NSUN6: variants seen among roughly 807,000 people sequenced by gnomAD.
The protein encoded by NSUN6 is NOP2/Sun RNA methyltransferase 6, also known as tRNA (cytosine(72)-C(5))-methyltransferase NSUN6.
NSUN6 carries 64 observed loss-of-function variants against 58.0 expected under a neutral mutation model. That is an observed-to-expected ratio of 1.10 (90% CI 0.90 to 1.36). The LOEUF (loss-of-function observed/expected upper bound fraction) is 1.36. NSUN6 is among the 40% of genes most tolerant of loss of function. The pLI, the probability that NSUN6 is intolerant of heterozygous loss-of-function variation, is 0.00. For synonymous variants in NSUN6, 231 were observed against 193.9 expected (o/e 1.19, Z -1.59); for missense variants, 701 against 550.1 (o/e 1.27, Z -2.74).
intron 8 of NSUN6, among the ~76,000 whole-genome samples, chr10:18,572,000 C>G (rs1389101371): frequency 1.3e-5 from 2 of 151,686 alleles, no homozygotes; most frequent in Admixed American, 6.6e-5. Context: ...AGTCTCCATT[C>G]CATTCCATTC....
chr10:18,645,526 G>T (rs2059521342), intron 2 of NSUN6, among the ~76,000 whole-genome samples: 1 of 152,098 alleles, frequency 6.6e-6, no homozygotes, highest in East Asian at 1.9e-4. Context: ...TATTTTTGAG[G>T]TTAATCCATA....
At chr10:18,551,612 T>G (rs1478698166) in intron 9 of NSUN6, 4 of 412,034 alleles carry the variant, frequency 9.7e-6, no homozygotes, top group African/African-American at 2.0e-5. Flanking sequence ...ATGTTGTGCC[T>G]GTATCAGAAT....
At chr10:18,586,803 T>G (rs2057168133) in intron 7 of NSUN6, among the ~76,000 whole-genome samples, 1 of 152,210 alleles carries the variant, frequency 6.6e-6, no homozygotes, top group Non-Finnish European at 1.5e-5. Context: ...GGTGGCCAGC[T>G]TTTATTCCCT....
chr10:18,614,491 TG>T lies in NSUN6; in HGVS notation c.543del (p.Glu183LysfsTer9). ...TCAGGTAATCCACTGAAGATTTCTT[TG>T]CGGCTTAGTTCAGAAATCCCATTTC... ...FLGNGISELS[R>X]KEIFSGLPEL... On this transcript the variant is annotated frameshift_variant, in exon 5 of 11. Coordinates refer to ENST00000377304, the MANE Select transcript of NSUN6 (RefSeq NM_182543.5). LOFTEE classifies it high-confidence loss of function. The T allele has an allele frequency of 6.4e-7, 1 of 1,558,982 alleles. No individual in the cohort carries two copies. The highest frequency in any genetic ancestry group is 8.6e-7 in the Non-Finnish European group (1 of 1,156,626).
At chr10:18,614,167 G>T (rs960585222) in intron 5 of NSUN6, among the ~76,000 whole-genome samples, 1 of 151,496 alleles carries the variant, frequency 6.6e-6, no homozygotes, top group Non-Finnish European at 1.5e-5. Flanking sequence ...CCATCATAAT[G>T]CACTGTTTTT....
intron 2 of NSUN6, among the ~76,000 whole-genome samples, chr10:18,645,896 A>G (rs899066301): frequency 2.0e-5 from 3 of 152,206 alleles, no homozygotes; most frequent in African/African-American, 7.2e-5. Context: ...TTATATTATT[A>G]AATTTCAGGC....
At chr10:18,602,089 T>C (rs914072328) in intron 6 of NSUN6, among the ~76,000 whole-genome samples, 1 of 151,728 alleles carries the variant, frequency 6.6e-6, no homozygotes, top group African/African-American at 2.4e-5. Context: ...TTTGAGATGG[T>C]GTTTCGCTCT....
At chr10:18,611,727 TG>T (rs1178410673) in intron 5 of NSUN6, among the ~76,000 whole-genome samples, 1 of 92,536 alleles carries the variant, frequency 1.1e-5, no homozygotes, top group Non-Finnish European at 2.2e-5. Flanking sequence ...CACTATGGTG[TG>T]TGTGTGTGTG....
intron 3 of NSUN6, among the ~76,000 whole-genome samples, chr10:18,621,724 C>T (rs1362543390): frequency 1.3e-5 from 2 of 152,022 alleles, no homozygotes; most frequent in Admixed American, 6.6e-5. Flanking sequence ...ATTAGAATAG[C>T]TAAAAAATGA....
upstream of NSUN6, chr10:18,651,951 A>C: frequency 1.0e-6 from 1 of 985,434 alleles, no homozygotes. Context: ...GATGTCCTCC[A>C]GTTAGAGGAT....
chr10:18,635,389 G>T (rs535109146), intron 3 of NSUN6, among the ~76,000 whole-genome samples: 1 of 152,068 alleles, frequency 6.6e-6, no homozygotes, highest in Non-Finnish European at 1.5e-5. Flanking sequence ...GGCTGTCTTG[G>T]GAATCTCTGA....
intron 9 of NSUN6, among the ~76,000 whole-genome samples, chr10:18,550,467 T>C (rs1170470240): frequency 1.3e-5 from 2 of 152,206 alleles, no homozygotes; most frequent in East Asian, 3.9e-4. Context: ...CCTTGTATTT[T>C]GGAGGGCTGG....
chr10:18,601,968 A>G (rs2057859486), intron 6 of NSUN6, among the ~76,000 whole-genome samples: 1 of 148,304 alleles, frequency 6.7e-6, no homozygotes, highest in African/African-American at 2.5e-5. Flanking sequence ...CTAACACTCT[A>G]TCTCGGGGGA....
At chr10:18,563,919 T>C (rs1211306378) in intron 8 of NSUN6, among the ~76,000 whole-genome samples, 1 of 150,850 alleles carries the variant, frequency 6.6e-6, no homozygotes, top group Non-Finnish European at 1.5e-5. Flanking sequence ...ACATTCTCCA[T>C]TCCATTCCAC....
chr10:18,645,751 G>T (rs1271715355), intron 2 of NSUN6, among the ~76,000 whole-genome samples: 3 of 152,174 alleles, frequency 2.0e-5, no homozygotes, highest in Non-Finnish European at 4.4e-5. Flanking sequence ...CCTAGGAGTG[G>T]AATTGCTGGG....
chr10:18,629,083 G>C (rs574492161), intron 3 of NSUN6, among the ~76,000 whole-genome samples: 169 of 152,088 alleles, frequency 1.1e-3, no homozygotes, highest in Non-Finnish European at 1.8e-3. Flanking sequence ...AGCCAGAAGA[G>C]AGTGGGGGCA....
intron 3 of NSUN6, among the ~76,000 whole-genome samples, chr10:18,625,966 G>A (rs2058786790): frequency 6.6e-6 from 1 of 151,916 alleles, no homozygotes; most frequent in Non-Finnish European, 1.5e-5. Context: ...TATGTGGCCT[G>A]AAACGACCAG....
At chr10:18,559,594 A>G (rs1312877410) in intron 8 of NSUN6, among the ~76,000 whole-genome samples, 1 of 151,530 alleles carries the variant, frequency 6.6e-6, no homozygotes, top group African/African-American at 2.4e-5. Context: ...AATGGAATGG[A>G]ATGGAGAATG....
At chr10:18,654,974 A>G (rs2059762317), upstream of NSUN6, 1 of 607,020 alleles carries the variant, frequency 1.6e-6, no homozygotes, top group South Asian at 7.3e-5. Context: ...ACAAAAAATC[A>G]ATCTTGGATT....
Sources: gnomAD v4.1 joint callset for allele counts (sites outside exome capture counted in the v4.1 genomes callset) on GRCh38, gnomAD v4.1.1 for gene constraint, MANE v1.5 for transcripts, NCBI Gene and HGNC (gene_info 2026-07-23, HGNC 2026-07-21) for gene names.